The following ADAM29 variants were observed in gnomAD, a reference collection of about 807,000 sequenced individuals.
ADAM29 encodes ADAM metallopeptidase domain 29.
For missense variants in ADAM29, 969 were observed against 1,001.8 expected, an observed-to-expected ratio of 0.97 and a Z score of 0.44; for synonymous variants, 367 against 342.3, an observed-to-expected ratio of 1.07 and a Z score of -0.80.
chr4:174,941,219 T>C (rs371872733), intron 4 of ADAM29, among the ~76,000 whole-genome samples: 6 of 152,212 alleles, frequency 3.9e-5, no homozygotes, highest in African/African-American at 1.4e-4. Flanking sequence ...AAGGTAGCAG[T>C]GTTTTTAAAA....
chr4:174,930,330 C>A (rs891342194), intron 2 of ADAM29, among the ~76,000 whole-genome samples: 1 of 152,166 alleles, frequency 6.6e-6, no homozygotes, highest in Non-Finnish European at 1.5e-5. Flanking sequence ...ATAATTAAAG[C>A]AATTTTCACA....
intron 2 of ADAM29, among the ~76,000 whole-genome samples, chr4:174,927,549 T>TA (rs1743590663): frequency 6.6e-6 from 1 of 152,244 alleles, no homozygotes; most frequent in African/African-American, 2.4e-5. Flanking sequence ...GTAAATTTTC[T>TA]TTGGAATGAT....
intron 4 of ADAM29, among the ~76,000 whole-genome samples, chr4:174,963,469 T>A (rs1378044172): frequency 1.3e-5 from 2 of 152,168 alleles, no homozygotes; most frequent in Admixed American, 1.3e-4. Flanking sequence ...AAATGACATG[T>A]GGAATTTGCT....
At chr4:174,971,644 CTT>C (rs1560892116) in intron 4 of ADAM29, among the ~76,000 whole-genome samples, 1 of 152,032 alleles carries the variant, frequency 6.6e-6, no homozygotes, top group African/African-American at 2.4e-5. Context: ...TTGTTTTTGA[CTT>C]TTTACAATGT....
At chr4:174,950,378 G>T (rs1745099295) in intron 4 of ADAM29, among the ~76,000 whole-genome samples, 1 of 152,120 alleles carries the variant, frequency 6.6e-6, no homozygotes, top group Non-Finnish European at 1.5e-5. Flanking sequence ...TTCAGACCTG[G>T]AATCCTATAT....
chr4:174,929,785 C>A (rs1743746895), intron 2 of ADAM29, among the ~76,000 whole-genome samples: 1 of 148,242 alleles, frequency 6.7e-6, no homozygotes, highest in South Asian at 2.1e-4. Context: ...GAGACAGACT[C>A]TCACTCTGTT....
At chr4:174,932,364 G>A (rs7686118) in intron 3 of ADAM29, among the ~76,000 whole-genome samples, 108,130 of 152,024 alleles carry the variant, frequency 0.71, 39,859 homozygotes, top group Non-Finnish European at 0.8. Flanking sequence ...AGAGAGTAAA[G>A]ATGTAACAAT....
At position 174,976,418 on chromosome 4, in the gene ADAM29, G is replaced by A. The variant is rs915206109; in HGVS notation, c.893G>A (p.Ser298Asn). The change falls in exon 5 of 5, where the codon AGT becomes AAT. Residue 298 changes from serine (S) to asparagine (N), a missense_variant. Coordinates refer to ENST00000359240, the MANE Select transcript of ADAM29 (RefSeq NM_014269.4). ...ACAACTCTAGGATTAAGAGGGTTAA[G>A]TGGCATAGGAGCTTTTAGAGGAATG... ...LFTTLGLRGL[S>N]GIGAFRGMCT... 8.1e-6 allele frequency: 13 copies of A among 1,598,302 alleles called. No homozygotes were observed. The African/African-American group carries it at 1.6e-4, about 20-fold the overall frequency.
At chr4:174,955,248 A>T (rs1188693633) in intron 4 of ADAM29, among the ~76,000 whole-genome samples, 1 of 152,086 alleles carries the variant, frequency 6.6e-6, no homozygotes, top group African/African-American at 2.4e-5. Flanking sequence ...TCATTGAATC[A>T]TGAATTGTCT....
At chr4:174,958,330 C>T (rs1745624230) in intron 4 of ADAM29, among the ~76,000 whole-genome samples, 1 of 151,684 alleles carries the variant, frequency 6.6e-6, no homozygotes, top group African/African-American at 2.4e-5. Flanking sequence ...TATTTTGATA[C>T]TGTGTTGTTA....
intron 4 of ADAM29, among the ~76,000 whole-genome samples, chr4:174,940,514 G>GA (rs140582643): frequency 0.014 from 2,134 of 152,076 alleles, 48 homozygotes; most frequent in African/African-American, 0.049. Context: ...ATACAGATCA[G>GA]AAAAAAGAGC....
At chr4:174,922,544 A>G (rs1251611853) in intron 2 of ADAM29, among the ~76,000 whole-genome samples, 2 of 152,164 alleles carry the variant, frequency 1.3e-5, no homozygotes, top group Non-Finnish European at 2.9e-5. Context: ...TAAGAAACTC[A>G]GAGGTACCAT....
chr4:174,928,931 G>T lies in ADAM29; in HGVS notation c.-450-2055G>T, dbSNP rs561477858. Among the ~76,000 whole-genome samples the T allele has an allele frequency of 9.2e-5, 14 of 152,238 alleles. No homozygotes were observed. The East Asian group carries it at 2.7e-3, about 29-fold the overall frequency. ...TTTACATCTCTAAGCTGCAGCGAAA[G>T]AATTTACAATTTTAACTTTTCTAAA... On this transcript the variant is annotated intron_variant, in intron 2 of 4. Coordinates refer to ENST00000359240, the MANE Select transcript of ADAM29 (RefSeq NM_014269.4).
intron 4 of ADAM29, among the ~76,000 whole-genome samples, chr4:174,974,672 T>G (rs1169271827): frequency 2.0e-5 from 3 of 152,212 alleles, no homozygotes; most frequent in Non-Finnish European, 4.4e-5. Context: ...CAGCTTCAAG[T>G]CAACCATTAT....
At chr4:174,929,757 T>C (rs1170467702) in intron 2 of ADAM29, among the ~76,000 whole-genome samples, 13 of 12,210 alleles carry the variant, frequency 1.1e-3, no homozygotes, top group African/African-American at 2.9e-3. Flanking sequence ...CTCTCTCTCT[T>C]TTTTTTTTTT....
chr4:174,961,733 G>A (rs1354686715), intron 4 of ADAM29, among the ~76,000 whole-genome samples: 2 of 152,050 alleles, frequency 1.3e-5, no homozygotes, highest in African/African-American at 4.8e-5. Context: ...TTTCAGATAA[G>A]TTATATGCTA....
In ADAM29 at chr4:174,975,959, T is replaced by C. The variant is rs766465821; in HGVS notation, c.434T>C (p.Phe145Ser). Reference protein sequence around the residue: ...EIKPLAFSTTFEHLVYKMDSE... With the variant: ...EIKPLAFSTTSEHLVYKMDSE... ...AAGCCCCTAGCATTTTCTACCACGT[T>C]TGAACATCTGGTATACAAGATGGAC... is the stretch of plus-strand genomic sequence containing the variant. The change falls in exon 5 of 5, where the codon TTT (phenylalanine) becomes TCT (serine). Residue 145 changes from phenylalanine to serine, a missense_variant. Coordinates refer to ENST00000359240, the MANE Select transcript of ADAM29 (RefSeq NM_014269.4). 2.2e-5 allele frequency: 35 copies of C among 1,613,994 alleles called. No individual in the cohort carries two copies. The highest frequency in any genetic ancestry group is 2.8e-5 in the Non-Finnish European group (33 of 1,180,028).
chr4:174,940,906 T>C (rs894564754), intron 4 of ADAM29, among the ~76,000 whole-genome samples: 2 of 152,160 alleles, frequency 1.3e-5, no homozygotes, highest in African/African-American at 4.8e-5. Context: ...TGCATAACCA[T>C]TGTTTTAAGT....
intron 4 of ADAM29, among the ~76,000 whole-genome samples, chr4:174,939,955 T>C (rs1744431979): frequency 6.6e-6 from 1 of 151,988 alleles, no homozygotes; most frequent in Non-Finnish European, 1.5e-5. Context: ...CCTCCCTTCC[T>C]CTCTCCTTCC....
Sources: allele counts gnomAD v4.1 joint callset (sites outside exome capture counted in the v4.1 genomes callset), GRCh38; gene constraint gnomAD v4.1.1; transcripts MANE v1.5; gene names NCBI Gene and HGNC (gene_info 2026-07-23, HGNC 2026-07-21).